The following PCSK1 variants were observed in gnomAD, a reference collection of about 807,000 sequenced individuals.
The protein encoded by PCSK1 is proprotein convertase subtilisin/kexin type 1.
Under a neutral mutation model 90.6 loss-of-function variants are expected in PCSK1, and 56 were observed. The observed-to-expected ratio is 0.62, with a 90% CI of 0.50 to 0.77. PCSK1 has a LOEUF of 0.77. Ranked by LOEUF, PCSK1 falls within the 30% of genes least tolerant of loss-of-function variation. PCSK1 has a pLI of 0.00. For missense variants in PCSK1, 801 were observed against 932.6 expected (o/e 0.86, Z 1.84); for synonymous variants, 348 against 342.4 (o/e 1.02, Z -0.18).
intron 4 of PCSK1, among the ~76,000 whole-genome samples, chr5:96,423,005 A>G (rs955537663): frequency 1.3e-5 from 2 of 152,158 alleles, no homozygotes; most frequent in Non-Finnish European, 2.9e-5. Flanking sequence ...TGATTACTTT[A>G]ATGCCCCAAA....
In PCSK1 at chr5:96,390,513, A is replaced by G. The variant is rs1759904798; in HGVS notation, c.*2488T>C. The G allele has an allele frequency of 1.3e-5, 2 of 152,596 alleles. No individual in the cohort carries two copies. The highest frequency in any genetic ancestry group is 4.8e-5 in the African/African-American group (2 of 41,466). 9.5% of individuals were successfully genotyped at this position (152,596 alleles called of 1,614,324 possible). A position where few individuals can be genotyped will look rare whatever the true frequency, so the allele number is the denominator to read the frequency against. ...GCTACATGTTGTATTAGGCTATTAG[A>G]CAAATGTCACTTTTAATATCACAAC... On this transcript the variant is annotated 3_prime_UTR_variant, in exon 14 of 14. Coordinates refer to ENST00000311106, the MANE Select transcript of PCSK1 (RefSeq NM_000439.5).
At chr5:96,410,506 C>T (rs1237811187) in intron 8 of PCSK1, among the ~76,000 whole-genome samples, 4 of 151,872 alleles carry the variant, frequency 2.6e-5, no homozygotes, top group East Asian at 1.9e-4. Context: ...TTGGAGTCTC[C>T]GCTGTGTGTA....
At chr5:96,416,742 C>A (rs2112430353) in intron 5 of PCSK1, among the ~76,000 whole-genome samples, 1 of 152,292 alleles carries the variant, frequency 6.6e-6, no homozygotes, top group African/African-American at 2.4e-5. Flanking sequence ...ATTGGAAAGC[C>A]AAGATGCTCC....
intron 6 of PCSK1, among the ~76,000 whole-genome samples, chr5:96,415,476 G>A (rs6878478): frequency 8.9e-4 from 136 of 152,186 alleles, no homozygotes; most frequent in African/African-American, 3.0e-3. Context: ...CTTGTAAATC[G>A]TTTCTTTATT....
At chr5:96,395,120 T>C in intron 12 of PCSK1, 95 bp from the exon 13 acceptor site, 1 of 1,009,476 alleles carries the variant, frequency 9.9e-7, no homozygotes, top group Non-Finnish European at 1.6e-6. Flanking sequence ...TGTTAAAATC[T>C]CATTTTAAGA....
At position 96,404,628 on chromosome 5, in the gene PCSK1, G is replaced by A. The variant is rs148490809; in HGVS notation, c.1196+3595C>T. ...GTTCATTTATCAGCCTCAATCTTCC[G>A]AACCCTCCTTTATTTGAGGAGATGA... On this transcript the variant is annotated intron_variant, in intron 9 of 13. Coordinates refer to ENST00000311106, the MANE Select transcript of PCSK1 (RefSeq NM_000439.5). 4.5e-4 allele frequency among the ~76,000 whole-genome samples: 69 copies of A among 152,110 alleles called. No individual in the cohort carries two copies. The East Asian group carries it at 4.8e-3, about 11-fold the overall frequency.
At chr5:96,421,034 C>T (rs1761111207) in intron 5 of PCSK1, among the ~76,000 whole-genome samples, 1 of 152,218 alleles carries the variant, frequency 6.6e-6, no homozygotes, top group Admixed American at 6.5e-5. Flanking sequence ...TTGAGTGTCT[C>T]CTTGATGTCT....
intron 1 of PCSK1, among the ~76,000 whole-genome samples, chr5:96,430,799 A>G (rs1056755636): frequency 6.6e-6 from 1 of 152,230 alleles, no homozygotes; most frequent in African/African-American, 2.4e-5. Context: ...TGTAAATCAT[A>G]TATAAATATA....
intron 12 of PCSK1, among the ~76,000 whole-genome samples, 162 bp downstream of exon 12, chr5:96,397,174 T>A (rs1309347725): frequency 6.6e-6 from 1 of 152,226 alleles, no homozygotes; most frequent in Non-Finnish European, 1.5e-5. Context: ...ATTATCTACG[T>A]AACCAAGTGG....
At chr5:96,432,462 C>T (rs1286109844) in intron 1 of PCSK1, among the ~76,000 whole-genome samples, 1 of 152,206 alleles carries the variant, frequency 6.6e-6, no homozygotes, top group Non-Finnish European at 1.5e-5. Flanking sequence ...GCTCCTGACG[C>T]AGACCGCCTC....
At chr5:96,397,008 G>A (rs1393606264) in intron 12 of PCSK1, among the ~76,000 whole-genome samples, 2 of 152,214 alleles carry the variant, frequency 1.3e-5, no homozygotes, top group Admixed American at 6.5e-5. Context: ...AAGTATCTTT[G>A]TGAATATGAT....
In PCSK1 at chr5:96,425,892, A is replaced by G. The variant is rs1446287970; in HGVS notation, c.324T>C (p.Ser108=). The G allele has an allele frequency of 1.2e-6, 2 of 1,612,546 alleles. No homozygotes were observed. The highest frequency in any genetic ancestry group is 4.5e-5 in the East Asian group (2 of 44,874). ...WAEQQYEKER[S]KRSALRDSAL... is the part of the protein sequence containing the mutation. ...CTGAGTCCCTTAGAGCTGAACGTTT[A>G]CTTCTTTCTTTTTCATACTGTTGTT... is the stretch of plus-strand genomic sequence containing the variant. Residue 108 remains serine, a synonymous_variant, in exon 3 of 14, where the codon AGT becomes AGC. Coordinates refer to ENST00000311106, the MANE Select transcript of PCSK1 (RefSeq NM_000439.5).
At chr5:96,420,311 A>G (rs1340748317) in intron 5 of PCSK1, among the ~76,000 whole-genome samples, 1 of 152,166 alleles carries the variant, frequency 6.6e-6, no homozygotes, top group Non-Finnish European at 1.5e-5. Context: ...CTGTGCCCCA[A>G]AAGAGTAGAT....
chr5:96,410,246 C>T (rs1407015787), intron 8 of PCSK1, among the ~76,000 whole-genome samples: 3 of 152,186 alleles, frequency 2.0e-5, no homozygotes, highest in African/African-American at 7.2e-5. Flanking sequence ...ACGACCTCCC[C>T]GAGCTGCTTA....
At chr5:96,431,356 T>A (rs1194579712) in intron 1 of PCSK1, among the ~76,000 whole-genome samples, 2 of 152,200 alleles carry the variant, frequency 1.3e-5, no homozygotes, top group African/African-American at 4.8e-5. Context: ...AAATGTTTTC[T>A]CCTTTGGGCA....
At chr5:96,397,184 G>A in intron 12 of PCSK1, 152 bp downstream of exon 12, 1 of 703,622 alleles carries the variant, frequency 1.4e-6, no homozygotes, top group Non-Finnish European at 2.5e-6. Context: ...TAACCAAGTG[G>A]TCAGGGCTTG....
intron 1 of PCSK1, among the ~76,000 whole-genome samples, chr5:96,430,331 C>T (rs184128636): frequency 1.9e-3 from 283 of 152,308 alleles, no homozygotes; most frequent in Non-Finnish European, 3.0e-3. Flanking sequence ...AAGAAACAAA[C>T]AGTTGACAAC....
At chr5:96,427,090 A>C (rs904869411) in intron 2 of PCSK1, among the ~76,000 whole-genome samples, 1 of 152,246 alleles carries the variant, frequency 6.6e-6, no homozygotes, top group African/African-American at 2.4e-5. Flanking sequence ...GTAGAGGGTC[A>C]CTTACACTTG....
At chr5:96,430,265 T>G (rs77546264) in intron 1 of PCSK1, among the ~76,000 whole-genome samples, 3,745 of 152,304 alleles carry the variant, frequency 0.025, 153 homozygotes, top group African/African-American at 0.086. Flanking sequence ...CTCCCTTTAC[T>G]CAGTACTAAA....
Sources: allele counts gnomAD v4.1 joint callset (sites outside exome capture counted in the v4.1 genomes callset), GRCh38; gene constraint gnomAD v4.1.1; transcripts MANE v1.5; gene names NCBI Gene and HGNC (gene_info 2026-07-23, HGNC 2026-07-21).